CIAO2A: variants seen among roughly 807,000 people sequenced by gnomAD.
The protein encoded by CIAO2A is cytosolic iron-sulfur assembly component 2A.
Under a neutral mutation model 22.4 loss-of-function variants are expected in CIAO2A, and 17 were observed. The observed-to-expected ratio is 0.76, with a 90% confidence interval of 0.52 to 1.14. The LOEUF (loss-of-function observed/expected upper bound fraction) is 1.14. Among genes scored for constraint, CIAO2A ranks in the 50% most tolerant of loss-of-function variants. The pLI is 0.00. For missense variants in CIAO2A, 192 were observed against 191.4 expected, an observed-to-expected ratio of 1.00 and a Z score of -0.02; for synonymous variants, 74 against 72.3, an observed-to-expected ratio of 1.02 and a Z score of -0.12.
intron 3 of CIAO2A, among the ~76,000 whole-genome samples, chr15:64,077,509 G>T (rs772698741): frequency 6.6e-6 from 1 of 152,158 alleles, no homozygotes; most frequent in Non-Finnish European, 1.5e-5. Context: ...GTAACCAATT[G>T]ATGAGGGGAG....
chr15:64,079,499 C>T (rs1033918813), intron 3 of CIAO2A, among the ~76,000 whole-genome samples: 2 of 152,178 alleles, frequency 1.3e-5, no homozygotes, highest in Non-Finnish European at 2.9e-5. Flanking sequence ...GCACTCCAGC[C>T]TGGGAGACAG....
chr15:64,078,614 C>T (rs901329207), intron 3 of CIAO2A, among the ~76,000 whole-genome samples: 16 of 125,606 alleles, frequency 1.3e-4, no homozygotes, highest in Non-Finnish European at 1.9e-4. Context: ...CCAGCCTGGG[C>T]GACAGAGCGA....
intron 3 of CIAO2A, among the ~76,000 whole-genome samples, chr15:64,075,913 C>T (rs1435335240): frequency 6.6e-6 from 1 of 151,910 alleles, no homozygotes; most frequent in African/African-American, 2.4e-5. Flanking sequence ...TCCGCCTCGG[C>T]TTCCCAAAGT....
chr15:64,086,371 CA>C (rs1403858843), intron 2 of CIAO2A, among the ~76,000 whole-genome samples: 3 of 151,982 alleles, frequency 2.0e-5, no homozygotes, highest in Admixed American at 6.6e-5. Flanking sequence ...AAGATTGCAC[CA>C]TTGCGCTCCA....
chr15:64,078,226 T>C (rs1481711167), intron 3 of CIAO2A, among the ~76,000 whole-genome samples: 1 of 152,174 alleles, frequency 6.6e-6, no homozygotes, highest in East Asian at 1.9e-4. Flanking sequence ...AAACCACTAG[T>C]ATAATAATTT....
chr15:64,093,573 C>A, intron 1 of CIAO2A, 72 bp downstream of exon 1: 1 of 1,496,666 alleles, frequency 6.7e-7, no homozygotes, highest in South Asian at 1.3e-5. Flanking sequence ...CAGGTGAGGC[C>A]ATCATCCCCG....
At chr15:64,086,588 T>G (rs1357817144) in intron 2 of CIAO2A, among the ~76,000 whole-genome samples, 4 of 150,314 alleles carry the variant, frequency 2.7e-5, no homozygotes, top group African/African-American at 9.8e-5. Flanking sequence ...CATTCAGCAT[T>G]CAGTAATGCT....
intron 3 of CIAO2A, among the ~76,000 whole-genome samples, chr15:64,078,560 C>T (rs1156965919): frequency 6.7e-6 from 1 of 148,806 alleles, no homozygotes; most frequent in South Asian, 2.1e-4. Flanking sequence ...CGCTTGAACC[C>T]AGGAGTCAGA....
chr15:64,086,439 C>T (rs1391715012), intron 2 of CIAO2A, among the ~76,000 whole-genome samples: 1 of 151,888 alleles, frequency 6.6e-6, no homozygotes, highest in East Asian at 1.9e-4. Flanking sequence ...AATAAATTTG[C>T]TATAGGTTCT....
At chr15:64,090,688 A>T (rs1301466767) in intron 1 of CIAO2A, among the ~76,000 whole-genome samples, 4 of 152,202 alleles carry the variant, frequency 2.6e-5, no homozygotes, top group African/African-American at 7.2e-5. Flanking sequence ...GTTTCAGTAG[A>T]GAGTGCGTGC....
rs749860603 is a variant in CIAO2A at position 64,088,725 on chromosome 15, G to A, written c.251C>T (p.Thr84Met). The change falls in exon 2 of 5, where the codon ACG becomes ATG. Residue 84 changes from threonine (T) to methionine (M), a missense_variant. Coordinates refer to ENST00000300030, the MANE Select transcript of CIAO2A (RefSeq NM_032231.7). ...EEEYLVIIRF[T>M]PTVPHCSLAT... ...CAAAGAGCAATGAGGTACTGTTGGC[G>A]TGAACCTGATAATAACCAGATATTC... 12 of 1,613,544 alleles carry A rather than the reference G, an allele frequency of 7.4e-6. No individual in the cohort carries two copies. Among genetic ancestry groups the A allele is most frequent in the Admixed American group, 3.3e-5 (2 of 59,908 alleles).
intron 1 of CIAO2A, among the ~76,000 whole-genome samples, chr15:64,093,422 C>G (rs141957539): frequency 0.012 from 1,853 of 151,624 alleles, 35 homozygotes; most frequent in African/African-American, 0.043. Flanking sequence ...CCCAGGTTTA[C>G]GAAGAGCCCA....
intron 2 of CIAO2A, among the ~76,000 whole-genome samples, chr15:64,085,456 C>T (rs1408765024): frequency 2.6e-5 from 4 of 152,060 alleles, no homozygotes; most frequent in Non-Finnish European, 5.9e-5. Context: ...GAGCCGAGAT[C>T]GTGTCATTGC....
At chr15:64,087,313 C>T (rs1436274817) in intron 2 of CIAO2A, among the ~76,000 whole-genome samples, 1 of 151,908 alleles carries the variant, frequency 6.6e-6, no homozygotes, top group Non-Finnish European at 1.5e-5. Flanking sequence ...GGATGGTCTC[C>T]ATCTCCTGAC....
At chr15:64,083,217 A>C (rs564261845) in intron 2 of CIAO2A, among the ~76,000 whole-genome samples, 1 of 151,616 alleles carries the variant, frequency 6.6e-6, no homozygotes, top group East Asian at 1.9e-4. Flanking sequence ...AATAGTATAA[A>C]ATATTACTAT....
chr15:64,084,715 A>C (rs1288092005), intron 2 of CIAO2A, among the ~76,000 whole-genome samples: 1 of 151,758 alleles, frequency 6.6e-6, no homozygotes, highest in Non-Finnish European at 1.5e-5. Context: ...GTTGTGGTGA[A>C]CCAAGATCAT....
chr15:64,081,243 C>A, intron 2 of CIAO2A, 92 bp from the exon 3 acceptor site: 1 of 1,214,346 alleles, frequency 8.2e-7, no homozygotes, highest in Non-Finnish European at 1.2e-6. Context: ...TGCCCCCATA[C>A]AACACAGTTG....
chr15:64,079,034 C>G (rs1458201154), intron 3 of CIAO2A, among the ~76,000 whole-genome samples: 1 of 149,994 alleles, frequency 6.7e-6, no homozygotes, highest in African/African-American at 2.5e-5. Flanking sequence ...GGGTGAGACC[C>G]TGTCTTTAAA....
intron 3 of CIAO2A, among the ~76,000 whole-genome samples, chr15:64,076,723 CT>C (rs556233822): frequency 0.43 from 49,401 of 115,094 alleles, 11,133 homozygotes; most frequent in East Asian, 0.66. Flanking sequence ...CTAGTCCAAT[CT>C]TTTTTTTTTT....
Sources: allele counts gnomAD v4.1 joint callset (sites outside exome capture counted in the v4.1 genomes callset), GRCh38; gene constraint gnomAD v4.1.1; transcripts MANE v1.5; gene names NCBI Gene and HGNC (gene_info 2026-07-23, HGNC 2026-07-21).